The following SVIL variants were observed in gnomAD, a reference collection of about 807,000 sequenced individuals.
SVIL encodes archvillin.
SVIL carries 101 observed loss-of-function variants against 240.4 expected under a neutral mutation model. That is an observed-to-expected ratio of 0.42 (90% CI 0.36 to 0.50). SVIL has a LOEUF of 0.50. Among genes scored for constraint, SVIL ranks in the 20% least tolerant of loss-of-function variants. The pLI, the probability that SVIL is intolerant of heterozygous loss-of-function variation, is 0.01. For synonymous variants in SVIL, 999 were observed against 1,100.0 expected (o/e 0.91, Z 1.82); for missense variants, 2,512 against 2,818.7 (o/e 0.89, Z 2.46).
chr10:29,625,371 C>T lies in SVIL; in HGVS notation c.-201+9049G>A, dbSNP rs78776832. On this transcript the variant is annotated intron_variant, in intron 1 of 37. Transcript: ENST00000355867. ...GTAATGAAATCAACGTTTTATAGAC[C>T]GAATGTTATGATAGCAGAGAAAGCA... Among the ~76,000 whole-genome samples, 808 of 151,940 alleles carry T rather than the reference C, an allele frequency of 5.3e-3. 6 individuals are homozygous for T. The highest frequency in any genetic ancestry group is 0.019 in the African/African-American group (776 of 41,392).
intron 1 of SVIL, among the ~76,000 whole-genome samples, chr10:29,630,285 A>G (rs1251727147): frequency 1.3e-5 from 2 of 152,200 alleles, no homozygotes; most frequent in Non-Finnish European, 2.9e-5. Context: ...TCCCAAAGCA[A>G]ATATGGAAAC....
intron 18 of SVIL, 143 bp downstream of exon 18, chr10:29,498,973 C>T (rs756064340): frequency 8.1e-7 from 1 of 1,232,950 alleles, no homozygotes. Context: ...AGAGCAAGAC[C>T]CTGTCTCTTA....
At chr10:29,709,423 A>G (rs1963126201) in intron 1 of SVIL, among the ~76,000 whole-genome samples, 1 of 152,202 alleles carries the variant, frequency 6.6e-6, no homozygotes, top group African/African-American at 2.4e-5. Context: ...TTAGACTTCA[A>G]GATGTTTGCT....
intron 17 of SVIL, chr10:29,508,622 T>C (rs992029466): frequency 1.1e-5 from 4 of 353,198 alleles, no homozygotes; most frequent in African/African-American, 2.1e-5. Context: ...CCTCGCACTT[T>C]AAAGTGACTT....
Position 29,467,873 on chromosome 10 carries a change from C to T in SVIL, c.5846G>A (p.Cys1949Tyr). The T allele has an allele frequency of 6.2e-7, 1 of 1,614,130 alleles. No individual in the cohort carries two copies. Among genetic ancestry groups the T allele is most frequent in the South Asian group, 1.1e-5 (1 of 91,062 alleles). ...RTAANKIKEQ[C>Y]PLEAGLHSSS... ...ACTATGCAGTCCTGCTTCCAGGGGA[C>T]ATCTGCAAGGGAGAAACTCCAAGAG... The change falls in exon 33 of 38, where the codon TGT (cysteine) becomes TAT (tyrosine). Residue 1949 changes from cysteine to tyrosine, a missense_variant and splice_region_variant. By Grantham distance (194) the Cys-to-Tyr change is radical. Around this residue, in one of 3 missense-constraint regions of SVIL, gnomAD observed 797 missense variants for 925.3 expected, o/e 0.86. Transcript: ENST00000355867.
chr10:29,487,996 G>A (rs1947580964), intron 23 of SVIL, among the ~76,000 whole-genome samples: 1 of 152,094 alleles, frequency 6.6e-6, no homozygotes, highest in Non-Finnish European at 1.5e-5. Context: ...TCATCTCAAG[G>A]ATTCATCTAT....
chr10:29,560,904 T>C (rs999346673), intron 3 of SVIL, among the ~76,000 whole-genome samples: 41 of 145,326 alleles, frequency 2.8e-4, no homozygotes, highest in Non-Finnish European at 5.8e-4. Flanking sequence ...AGTGGCATGA[T>C]CTTGGCTCAC....
chr10:29,531,383 A>T (rs749210249), intron 9 of SVIL, 95 bp from the exon 10 acceptor site: 40 of 1,247,328 alleles, frequency 3.2e-5, no homozygotes, highest in Non-Finnish European at 4.3e-5. Flanking sequence ...ATAAAAATGC[A>T]ATTAAATTCT....
At chr10:29,554,216 T>C (rs1254987396) in intron 5 of SVIL, among the ~76,000 whole-genome samples, 1 of 151,730 alleles carries the variant, frequency 6.6e-6, no homozygotes, top group Non-Finnish European at 1.5e-5. Flanking sequence ...GAGGCTGAGG[T>C]GGGAGGATCA....
chr10:29,531,153 AT>A, intron 10 of SVIL, 100 bp downstream of exon 10: 4 of 1,127,772 alleles, frequency 3.5e-6, no homozygotes, highest in Non-Finnish European at 5.2e-6. Context: ...AGACACTGTT[AT>A]GCTCCATCAT....
In SVIL at chr10:29,714,109, A is replaced by T. The variant is rs367726824; in HGVS notation, c.-400+21642T>A. Among the ~76,000 whole-genome samples the T allele has an allele frequency of 2.0e-5, 3 of 152,194 alleles. No homozygotes were observed. The East Asian group carries it at 5.8e-4, about 29-fold the overall frequency. Reference sequence around the variant, plus strand: ...AATGAGGTTTAGAGAGTGGGAAGTTACTTGGCTGAGGCTACTCACCTAGAC... The same window carrying T: ...AATGAGGTTTAGAGAGTGGGAAGTTTCTTGGCTGAGGCTACTCACCTAGAC... On this transcript the variant is annotated intron_variant, in intron 1 of 35. Transcript: ENST00000375400.
intron 1 of SVIL, among the ~76,000 whole-genome samples, chr10:29,728,367 C>A (rs1964412077): frequency 6.6e-6 from 1 of 152,192 alleles, no homozygotes; most frequent in Non-Finnish European, 1.5e-5. Flanking sequence ...AAAGTTCAGA[C>A]CTTTTCAAAA....
At chr10:29,597,303 G>A (rs1417348038) in intron 1 of SVIL, among the ~76,000 whole-genome samples, 1 of 152,204 alleles carries the variant, frequency 6.6e-6, no homozygotes, top group African/African-American at 2.4e-5. Context: ...GAAGAATCAT[G>A]GGAGAGAGGG....
At chr10:29,463,289 T>C (rs1224849710) in intron 35 of SVIL, among the ~76,000 whole-genome samples, 1 of 152,260 alleles carries the variant, frequency 6.6e-6, no homozygotes, top group Non-Finnish European at 1.5e-5. Context: ...TTCTTCATGC[T>C]GGCAGCTGAG....
At chr10:29,542,828 G>T (rs1952286955) in intron 6 of SVIL, among the ~76,000 whole-genome samples, 1 of 152,104 alleles carries the variant, frequency 6.6e-6, no homozygotes, top group African/African-American at 2.4e-5. Context: ...TATGACATAG[G>T]GTGCCTGTGA....
chr10:29,526,022 A>G (rs1950875835), intron 13 of SVIL, among the ~76,000 whole-genome samples: 2 of 152,340 alleles, frequency 1.3e-5, no homozygotes, highest in Non-Finnish European at 2.9e-5. Context: ...GGTTTGGCTC[A>G]TATAACAGTA....
At chr10:29,644,038 A>G (rs1412964800) in intron 3 of SVIL, 1 of 518,318 alleles carries the variant, frequency 1.9e-6, no homozygotes, top group South Asian at 1.4e-5. Context: ...AGATGTACAA[A>G]GTGTGACATG....
At chr10:29,708,386 C>A (rs1589554620) in intron 1 of SVIL, among the ~76,000 whole-genome samples, 1 of 151,744 alleles carries the variant, frequency 6.6e-6, no homozygotes, top group Non-Finnish European at 1.5e-5. Flanking sequence ...TTTGGGAGGC[C>A]GAGGTGGGCG....
chr10:29,481,193 G>GTT (rs201842986), intron 28 of SVIL, among the ~76,000 whole-genome samples: 1 of 142,860 alleles, frequency 7.0e-6, no homozygotes, highest in African/African-American at 2.6e-5. Flanking sequence ...TGTGTCCATG[G>GTT]TTTTTTTTTT....
Sources: gnomAD v4.1 joint callset for allele counts (sites outside exome capture counted in the v4.1 genomes callset) on GRCh38, gnomAD v4.1.1 for gene constraint, gnomAD v4.1.1 regional missense constraint, MANE v1.5 for transcripts, NCBI Gene and HGNC (gene_info 2026-07-23, HGNC 2026-07-21) for gene names.